HS3ST4: variants seen among roughly 807,000 people sequenced by gnomAD.
HS3ST4 encodes heparan sulfate-glucosamine 3-sulfotransferase 4.
Under a neutral mutation model 29.2 loss-of-function variants are expected in HS3ST4, and 17 were observed. The observed-to-expected ratio is 0.58, with a 90% CI of 0.40 to 0.87. The LOEUF (loss-of-function observed/expected upper bound fraction) is 0.87, where lower values mean the gene tolerates loss of function less well. Among genes scored for constraint, HS3ST4 ranks in the 40% least tolerant of loss-of-function variants. The pLI is 0.00. For synonymous variants in HS3ST4, 314 were observed against 285.7 expected (o/e 1.10, Z -1.00); for missense variants, 627 against 634.5 (o/e 0.99, Z 0.13).
At chr16:25,981,288 G>C (rs1433001006) in intron 1 of HS3ST4, among the ~76,000 whole-genome samples, 1 of 151,966 alleles carries the variant, frequency 6.6e-6, no homozygotes, top group Non-Finnish European at 1.5e-5. Context: ...AGTGAGCTGA[G>C]ATCGTGCCAT....
chr16:25,732,745 G>A (rs1009582161), intron 1 of HS3ST4, among the ~76,000 whole-genome samples: 2 of 152,232 alleles, frequency 1.3e-5, no homozygotes, highest in Admixed American at 1.3e-4. Context: ...GAAGGAGGCA[G>A]TATAGCATGG....
At chr16:25,718,749 A>G (rs945658065) in intron 1 of HS3ST4, among the ~76,000 whole-genome samples, 3 of 152,200 alleles carry the variant, frequency 2.0e-5, no homozygotes, top group Non-Finnish European at 2.9e-5. Flanking sequence ...AGTGGGATGC[A>G]TGTACCTGAG....
At chr16:26,128,988 G>T (rs889647644) in intron 1 of HS3ST4, among the ~76,000 whole-genome samples, 1 of 152,178 alleles carries the variant, frequency 6.6e-6, no homozygotes, top group Non-Finnish European at 1.5e-5. Flanking sequence ...TTGGGAAAAT[G>T]TAAGATGCCC....
At chr16:25,998,757 T>G (rs1235823915) in intron 1 of HS3ST4, among the ~76,000 whole-genome samples, 1 of 152,106 alleles carries the variant, frequency 6.6e-6, no homozygotes. Context: ...AAAAAATCCT[T>G]ACTTCCTGGG....
chr16:26,060,076 C>A (rs1279762446), intron 1 of HS3ST4, among the ~76,000 whole-genome samples: 1 of 152,174 alleles, frequency 6.6e-6, no homozygotes. Context: ...CTGCGCCCAG[C>A]CTATTACTAT....
chr16:25,912,088 TA>T (rs1968246783), intron 1 of HS3ST4, among the ~76,000 whole-genome samples: 1 of 152,110 alleles, frequency 6.6e-6, no homozygotes, highest in African/African-American at 2.4e-5. Context: ...AAGATAGCAG[TA>T]GTTGAAGAAA....
chr16:25,727,996 C>T (rs2141592412), intron 1 of HS3ST4, among the ~76,000 whole-genome samples: 1 of 152,204 alleles, frequency 6.6e-6, no homozygotes, highest in African/African-American at 2.4e-5. Context: ...CTGATTATTA[C>T]TATTATTAAT....
chr16:25,857,928 C>CTTTCTTTCTTTT (rs1567257116), intron 1 of HS3ST4, among the ~76,000 whole-genome samples: 1 of 47,668 alleles, frequency 2.1e-5, no homozygotes, highest in African/African-American at 1.2e-4. Flanking sequence ...TCCTTTCTTT[C>CTTTCTTTCTTTT]TTTCTTTCTT....
At chr16:25,718,530 G>T (rs997490060) in intron 1 of HS3ST4, among the ~76,000 whole-genome samples, 1 of 151,950 alleles carries the variant, frequency 6.6e-6, no homozygotes, top group African/African-American at 2.4e-5. Flanking sequence ...AAGAAAGAGA[G>T]ACTTTCTTTT....
intron 1 of HS3ST4, among the ~76,000 whole-genome samples, chr16:25,987,446 A>G (rs1351583211): frequency 6.6e-6 from 1 of 152,244 alleles, no homozygotes; most frequent in Non-Finnish European, 1.5e-5. Flanking sequence ...CAACCCTAAA[A>G]GGGACTGTTC....
intron 1 of HS3ST4, among the ~76,000 whole-genome samples, chr16:26,130,445 G>C (rs1357504008): frequency 6.6e-6 from 1 of 152,106 alleles, no homozygotes; most frequent in Non-Finnish European, 1.5e-5. Context: ...TTTTCATCCA[G>C]TAACCACAAA....
At position 26,120,790 on chromosome 16, in the gene HS3ST4, G is replaced by A. The variant is rs181998643; in HGVS notation, c.735-14822G>A. ...GCTGACCAGGTTTCTTGGATCACAA[G>A]GAAGAAACACATACAAATTATTTAC... On this transcript the variant is annotated intron_variant, in intron 1 of 1. Transcript: ENST00000331351. 2.6e-4 allele frequency among the ~76,000 whole-genome samples: 39 copies of A among 152,296 alleles called. 1 individual carries two copies. Among genetic ancestry groups the A allele is most frequent in the East Asian group, 2.5e-3 (13 of 5,186 alleles).
chr16:25,906,630 C>T (rs1968183278), intron 1 of HS3ST4, among the ~76,000 whole-genome samples: 1 of 151,982 alleles, frequency 6.6e-6, no homozygotes, highest in Non-Finnish European at 1.5e-5. Context: ...CTTGTGGGGT[C>T]ATGAAAGGAA....
chr16:25,717,918 C>T (rs1278037999), intron 1 of HS3ST4, among the ~76,000 whole-genome samples: 1 of 152,048 alleles, frequency 6.6e-6, no homozygotes, highest in African/African-American at 2.4e-5. Flanking sequence ...GTGGCTTAGA[C>T]TAGGGAGATG....
chr16:25,938,600 A>G (rs1011913085), intron 1 of HS3ST4, among the ~76,000 whole-genome samples: 11 of 152,112 alleles, frequency 7.2e-5, no homozygotes, highest in Non-Finnish European at 1.3e-4. Context: ...TATTAAAAAA[A>G]AAAAGGAGAA....
At chr16:25,716,697 A>G (rs1966456652) in intron 1 of HS3ST4, among the ~76,000 whole-genome samples, 1 of 152,214 alleles carries the variant, frequency 6.6e-6, no homozygotes, top group African/African-American at 2.4e-5. Flanking sequence ...GGTTTCAGGC[A>G]GAGCATCTTA....
intron 1 of HS3ST4, among the ~76,000 whole-genome samples, chr16:25,707,984 G>T (rs776819965): frequency 1.5e-4 from 23 of 152,144 alleles, no homozygotes; most frequent in Non-Finnish European, 2.8e-4. Context: ...ATTGACATAT[G>T]CCTGTATTCC....
At chr16:25,826,381 A>G (rs1365173174) in intron 1 of HS3ST4, 1 of 152,148 alleles carries the variant, frequency 6.6e-6, no homozygotes, top group African/African-American at 2.4e-5. Context: ...ACTTAAACAC[A>G]TAATTTTTCT....
chr16:25,964,676 G>A (rs756847784), intron 1 of HS3ST4, among the ~76,000 whole-genome samples: 3 of 152,108 alleles, frequency 2.0e-5, no homozygotes, highest in Admixed American at 6.6e-5. Flanking sequence ...GAATCCTGCC[G>A]CTCAGTTAAG....
Sources: allele counts gnomAD v4.1 joint callset (sites outside exome capture counted in the v4.1 genomes callset), GRCh38; gene constraint gnomAD v4.1.1; transcripts MANE v1.5; gene names NCBI Gene and HGNC (gene_info 2026-07-23, HGNC 2026-07-21).